Variants in EPHA5 observed in about 807,000 individuals in gnomAD.
The protein encoded by EPHA5 is EPH receptor A5, also known as ephrin type-A receptor 5.
A neutral mutation model predicts 105.0 loss-of-function variants in EPHA5; 60 were observed. That is an observed-to-expected ratio of 0.57 (90% CI 0.46 to 0.71). EPHA5 has a LOEUF of 0.71. EPHA5 is among the 30% of genes least tolerant of loss of function. The pLI is 0.00. For synonymous variants in EPHA5, 513 were observed against 449.1 expected (o/e 1.14, Z -1.80); for missense variants, 1,218 against 1,274.7 (o/e 0.96, Z 0.68).
chr4:65,637,785 A>G (rs566269646), intron 2 of EPHA5, among the ~76,000 whole-genome samples: 19 of 151,886 alleles, frequency 1.3e-4, no homozygotes, highest in Non-Finnish European at 2.4e-4. Flanking sequence ...TTTTATAAAT[A>G]AAAAATAAGT....
intron 3 of EPHA5, among the ~76,000 whole-genome samples, chr4:65,595,223 C>T (rs1462054452): frequency 6.6e-6 from 1 of 150,760 alleles, no homozygotes; most frequent in Admixed American, 6.6e-5. Context: ...TAGAAAATTT[C>T]ATAACTTTTA....
intron 2 of EPHA5, among the ~76,000 whole-genome samples, chr4:65,620,578 C>T (rs536322806): frequency 2.6e-5 from 4 of 152,100 alleles, no homozygotes; most frequent in Non-Finnish European, 5.9e-5. Flanking sequence ...TGAGTTGATT[C>T]TTCTTTTCAC....
chr4:65,654,949 A>C (rs6838677), intron 1 of EPHA5, among the ~76,000 whole-genome samples: 34,368 of 148,294 alleles, frequency 0.23, 4,868 homozygotes, highest in Middle Eastern at 0.38. Context: ...ATATGTATAT[A>C]TATCAAAGCA....
intron 8 of EPHA5, among the ~76,000 whole-genome samples, chr4:65,382,145 C>A (rs543141702): frequency 3.0e-4 from 46 of 151,820 alleles, no homozygotes; most frequent in Non-Finnish European, 3.8e-4. Flanking sequence ...CACAAACAAA[C>A]AAAAACTAAT....
At chr4:65,665,807 T>C (rs946863952) in intron 1 of EPHA5, among the ~76,000 whole-genome samples, 1 of 152,200 alleles carries the variant, frequency 6.6e-6, no homozygotes, top group African/African-American at 2.4e-5. Flanking sequence ...CCCCTTTTCA[T>C]GGTTTATTAA....
intron 2 of EPHA5, among the ~76,000 whole-genome samples, chr4:65,635,230 G>A (rs957161338): frequency 2.6e-5 from 4 of 152,186 alleles, no homozygotes; most frequent in African/African-American, 9.6e-5. Flanking sequence ...TATCTACAAT[G>A]TAGGGTTACT....
chr4:65,459,683 A>T (rs983500855), intron 5 of EPHA5, among the ~76,000 whole-genome samples: 2 of 151,846 alleles, frequency 1.3e-5, no homozygotes, highest in African/African-American at 2.4e-5. Context: ...GCTATTTACC[A>T]TTACAAAATT....
intron 4 of EPHA5, among the ~76,000 whole-genome samples, chr4:65,492,491 C>T (rs1731502807): frequency 6.8e-6 from 1 of 147,602 alleles, no homozygotes; most frequent in Admixed American, 6.9e-5. Flanking sequence ...CGTGAGCCAC[C>T]GCGCCAAGCC....
chr4:65,375,865 T>C (rs1718951930), intron 8 of EPHA5, among the ~76,000 whole-genome samples: 1 of 151,878 alleles, frequency 6.6e-6, no homozygotes, highest in Non-Finnish European at 1.5e-5. Flanking sequence ...AGTTTGTATT[T>C]AGTTTGACAC....
At chr4:65,363,884 ATTG>A (rs1717585878) in intron 11 of EPHA5, among the ~76,000 whole-genome samples, 1 of 151,422 alleles carries the variant, frequency 6.6e-6, no homozygotes, top group Admixed American at 6.6e-5. Context: ...TTTATATTAT[ATTG>A]TTATTTCACA....
In EPHA5 at chr4:65,445,321, G is replaced by T. The variant is rs1232888930; in HGVS notation, c.1403-24756C>A. 2.0e-5 allele frequency among the ~76,000 whole-genome samples: 3 copies of T among 152,028 alleles called. No homozygotes were observed. The East Asian group carries it at 5.8e-4, about 29-fold the overall frequency. On this transcript the variant is annotated intron_variant, in intron 5 of 16. Transcript: ENST00000613740. ...GTATGTGACTATGAAGTTTATAACT[G>T]ATTGAACAAAAATATTACATTTTTA... is the stretch of plus-strand genomic sequence containing the variant.
chr4:65,624,549 T>G (rs961197524), intron 2 of EPHA5, among the ~76,000 whole-genome samples: 1 of 152,204 alleles, frequency 6.6e-6, no homozygotes, highest in Non-Finnish European at 1.5e-5. Flanking sequence ...AATTTGAGGC[T>G]TTTTAGGGTA....
intron 8 of EPHA5, among the ~76,000 whole-genome samples, chr4:65,395,303 T>G (rs1413660816): frequency 1.3e-5 from 2 of 152,164 alleles, no homozygotes; most frequent in African/African-American, 4.8e-5. Flanking sequence ...TAAGTAAGAG[T>G]AAAAACATTT....
intron 16 of EPHA5, among the ~76,000 whole-genome samples, chr4:65,325,779 T>C (rs1720018887): frequency 6.6e-6 from 1 of 151,164 alleles, no homozygotes; most frequent in African/African-American, 2.4e-5. Context: ...TTTCTCAGCC[T>C]TGAACCTGTT....
At chr4:65,522,448 A>C (rs1734845149) in intron 3 of EPHA5, among the ~76,000 whole-genome samples, 1 of 151,848 alleles carries the variant, frequency 6.6e-6, no homozygotes, top group African/African-American at 2.4e-5. Flanking sequence ...TATAATTAAA[A>C]AAGCAATCCT....
intron 8 of EPHA5, among the ~76,000 whole-genome samples, chr4:65,373,367 A>T (rs1718678323): frequency 6.6e-6 from 1 of 151,858 alleles, no homozygotes; most frequent in African/African-American, 2.4e-5. Flanking sequence ...TTTATTCTTT[A>T]TGCCACTTTC....
chr4:65,373,050 A>C (rs1425679274), intron 8 of EPHA5, among the ~76,000 whole-genome samples: 1 of 151,874 alleles, frequency 6.6e-6, no homozygotes, highest in African/African-American at 2.4e-5. Context: ...ATGAAAATTA[A>C]TTCTCCCTGT....
At chr4:65,554,981 CAA>C (rs71205383) in intron 3 of EPHA5, among the ~76,000 whole-genome samples, 7 of 92,570 alleles carry the variant, frequency 7.6e-5, no homozygotes, top group East Asian at 7.9e-4. Flanking sequence ...TATACAACAG[CAA>C]AAAAAAAAAA....
intron 2 of EPHA5, among the ~76,000 whole-genome samples, chr4:65,616,242 G>A (rs918934672): frequency 3.3e-5 from 5 of 151,910 alleles, no homozygotes; most frequent in Non-Finnish European, 5.9e-5. Flanking sequence ...AATTTTAGAA[G>A]TGGAGAAGAG....
Sources: gnomAD v4.1 joint callset for allele counts (sites outside exome capture counted in the v4.1 genomes callset) on GRCh38, gnomAD v4.1.1 for gene constraint, MANE v1.5 for transcripts, NCBI Gene and HGNC (gene_info 2026-07-23, HGNC 2026-07-21) for gene names.